The following KCTD14 variants were observed in gnomAD, a reference collection of about 807,000 sequenced individuals.
KCTD14 encodes the protein potassium channel tetramerization domain containing 14.
Under a neutral mutation model 5.9 loss-of-function variants are expected in KCTD14, and 7 were observed. The ratio of observed to expected loss-of-function variants is 1.19; its 90% CI spans 0.68 to 2.23. The LOEUF (loss-of-function observed/expected upper bound fraction) is 2.23, where lower values mean the gene tolerates loss of function less well. KCTD14 is among the 30% of genes most tolerant of loss of function. KCTD14 has a pLI of 0.00. For synonymous variants in KCTD14, 140 were observed against 133.1 expected, an observed-to-expected ratio of 1.05 and a Z score of -0.36; for missense variants, 342 against 332.2, an observed-to-expected ratio of 1.03 and a Z score of -0.23.
chr11:78,018,409 T>A (rs2372891), intron 1 of KCTD14, among the ~76,000 whole-genome samples: 29,197 of 150,942 alleles, frequency 0.19, 2,881 homozygotes, highest in Middle Eastern at 0.25. Flanking sequence ...GAAAAAAAAT[T>A]TTTTTTTTAA....
intron 1 of KCTD14, among the ~76,000 whole-genome samples, chr11:78,041,683 C>G (rs983554471): frequency 1.3e-4 from 20 of 152,208 alleles, no homozygotes; most frequent in African/African-American, 4.6e-4. Context: ...TGTTACGGCT[C>G]GAGCTGAGCT....
intron 2 of KCTD14, among the ~76,000 whole-genome samples, chr11:78,037,847 G>GC (rs1857859484): frequency 6.6e-6 from 1 of 152,034 alleles, no homozygotes; most frequent in South Asian, 2.1e-4. Flanking sequence ...AAAAATCATT[G>GC]CCTCCCTAAT....
chr11:78,040,666 A>T (rs1222705984), intron 1 of KCTD14, among the ~76,000 whole-genome samples: 1 of 43,578 alleles, frequency 2.3e-5, no homozygotes, highest in Non-Finnish European at 4.6e-5. Flanking sequence ...TTTTTATTTT[A>T]TTTTATTATT....
chr11:78,028,932 C>T (rs1591184812), intron 2 of KCTD14, among the ~76,000 whole-genome samples: 1 of 152,218 alleles, frequency 6.6e-6, no homozygotes, highest in Middle Eastern at 3.4e-3. Context: ...GGCACAGTGG[C>T]TCAGCACTTT....
chr11:78,025,114 GTGTGTATATATATATATATATATATA>G (rs1857424968), upstream of KCTD14, among the ~76,000 whole-genome samples: 1 of 66,894 alleles, frequency 1.5e-5, no homozygotes, highest in African/African-American at 8.5e-5. Flanking sequence ...GTGTGTGTGT[GTGTGTATATATATATATATATATATA>G]TATATATATA....
chr11:78,019,321 AT>A (rs1013136186), intron 1 of KCTD14, among the ~76,000 whole-genome samples: 6 of 151,236 alleles, frequency 4.0e-5, no homozygotes, highest in African/African-American at 1.2e-4. Context: ...CCAGAAATGA[AT>A]TTTTTTTTAA....
intron 2 of KCTD14, chr11:78,038,585 G>A: frequency 6.7e-7 from 1 of 1,496,514 alleles, no homozygotes; most frequent in Non-Finnish European, 9.0e-7. Flanking sequence ...GCCCCAGCTG[G>A]TTACCCCAAG....
intron 1 of KCTD14, among the ~76,000 whole-genome samples, chr11:78,042,030 G>A (rs1222856550): frequency 2.6e-5 from 4 of 152,144 alleles, no homozygotes; most frequent in Non-Finnish European, 5.9e-5. Context: ...GAAGTAGCTC[G>A]CCACCATCTT....
intron 2 of KCTD14, among the ~76,000 whole-genome samples, chr11:78,035,727 C>G (rs1318422746): frequency 3.3e-5 from 5 of 150,620 alleles, no homozygotes; most frequent in African/African-American, 1.2e-4. Flanking sequence ...CACCTGTAAT[C>G]CCAACTACTT....
In KCTD14 at chr11:78,015,908, G is replaced by C. The variant is rs568334601; in HGVS notation, c.*685C>G. ...CAGTCTTTTGTACCTCCATACAAGA[G>C]GTAGCAATTCTTTTCTAGAGATGGT... On this transcript the variant is annotated 3_prime_UTR_variant, in exon 2 of 2. Coordinates refer to ENST00000353172, the MANE Select transcript of KCTD14 (RefSeq NM_023930.4). The C allele has an allele frequency of 1.3e-5, 2 of 152,392 alleles. No individual in the cohort carries two copies. Among genetic ancestry groups the C allele is most frequent in the East Asian group, 3.8e-4 (2 of 5,196 alleles). The allele number at this position is 152,392 out of a possible 1,614,324, so 9.4% of individuals were successfully genotyped here. A position where few individuals can be genotyped will look rare whatever the true frequency, so the allele number is the denominator to read the frequency against.
chr11:78,037,254 C>T (rs1305854661), intron 2 of KCTD14, among the ~76,000 whole-genome samples: 1 of 152,364 alleles, frequency 6.6e-6, no homozygotes, highest in Admixed American at 6.5e-5. Context: ...CGTGGGCACA[C>T]GCCCTCCCAG....
chr11:78,018,394 T>A (rs1015144674), intron 1 of KCTD14, among the ~76,000 whole-genome samples: 3 of 151,674 alleles, frequency 2.0e-5, no homozygotes, highest in African/African-American at 7.3e-5. Context: ...TTAAATAGAT[T>A]TAAGGAAAAA....
intron 1 of KCTD14, among the ~76,000 whole-genome samples, chr11:78,043,616 C>T (rs1051150873): frequency 1.3e-5 from 2 of 152,134 alleles, no homozygotes; most frequent in African/African-American, 2.4e-5. Flanking sequence ...TGAACCAGCT[C>T]GTGGGGTGTC....
At chr11:78,033,901 G>GTGTGTATATA in intron 2 of KCTD14, among the ~76,000 whole-genome samples, 1 of 115,604 alleles carries the variant, frequency 8.7e-6, no homozygotes, top group African/African-American at 3.5e-5. Context: ...GTGTGTGTGT[G>GTGTGTATATA]TATATATATA....
At chr11:78,029,185 CA>C (rs34088894) in intron 2 of KCTD14, among the ~76,000 whole-genome samples, 48,598 of 113,130 alleles carry the variant, frequency 0.43, 8,152 homozygotes, top group Admixed American at 0.51. Context: ...ACTCTGTCTC[CA>C]AAAAAAAAAA....
upstream of KCTD14, among the ~76,000 whole-genome samples, chr11:78,025,219 G>T (rs1857434811): frequency 1.3e-5 from 2 of 148,324 alleles, no homozygotes; most frequent in African/African-American, 2.5e-5. Context: ...CCATTGGCAG[G>T]CTGAGAAGCA....
upstream of KCTD14, among the ~76,000 whole-genome samples, chr11:78,025,458 C>T (rs1056347415): frequency 6.6e-6 from 1 of 152,088 alleles, no homozygotes; most frequent in African/African-American, 2.4e-5. Flanking sequence ...ATGTTAATCT[C>T]CATTGGGAAC....
upstream of KCTD14, chr11:78,023,392 A>C (rs115978465): frequency 9.3e-6 from 7 of 748,870 alleles, no homozygotes; most frequent in Non-Finnish European, 1.5e-5. Context: ...CAGTCTGTCT[A>C]TTTGGGGCTT....
chr11:78,016,541 T>C lies in KCTD14; in HGVS notation c.*52A>G. 1.3e-6 allele frequency: 2 copies of C among 1,510,674 alleles called. No individual in the cohort carries two copies. The highest frequency in any genetic ancestry group is 1.3e-5 in the South Asian group (1 of 79,898). The allele number at this position is 1,510,674 out of a possible 1,614,324, so 93.6% of individuals were successfully genotyped here. The stretch of plus-strand genomic sequence containing the variant: ...AAAAGAAAATGGCTTTGATGGCAAC[T>C]TTTAATTTCATAAGCCACGCCAGAA... On this transcript the variant is annotated 3_prime_UTR_variant, in exon 2 of 2. Coordinates refer to ENST00000353172, the MANE Select transcript of KCTD14 (RefSeq NM_023930.4).
Sources: allele counts gnomAD v4.1 joint callset (sites outside exome capture counted in the v4.1 genomes callset), GRCh38; gene constraint gnomAD v4.1.1; transcripts MANE v1.5; gene names NCBI Gene and HGNC (gene_info 2026-07-23, HGNC 2026-07-21).